TEK: variants seen among roughly 807,000 people sequenced by gnomAD.
TEK encodes TEK receptor tyrosine kinase, also known as angiopoietin-1 receptor.
A neutral mutation model predicts 131.8 loss-of-function variants in TEK; 43 were observed. That is an observed-to-expected ratio of 0.33 (90% CI 0.26 to 0.42). TEK has a LOEUF of 0.42. Ranked by LOEUF, TEK falls within the 10% of genes least tolerant of loss-of-function variation. The probability of loss-of-function intolerance (pLI) is 1.00; values close to 1 mark genes in which losing one functional copy is unlikely to be tolerated. For missense variants in TEK, 1,162 were observed against 1,384.4 expected (o/e 0.84, Z 2.55); for synonymous variants, 580 against 491.6 (o/e 1.18, Z -2.38).
intron 1 of TEK, among the ~76,000 whole-genome samples, chr9:27,153,696 T>G (rs1274079632): frequency 6.6e-6 from 1 of 152,236 alleles, no homozygotes; most frequent in Non-Finnish European, 1.5e-5. Flanking sequence ...AGAAAGGGTA[T>G]TAAGCAGAGA....
chr9:27,205,384 G>A (rs1825365546), intron 14 of TEK, among the ~76,000 whole-genome samples: 1 of 152,176 alleles, frequency 6.6e-6, no homozygotes, highest in African/African-American at 2.4e-5. Context: ...TCTTGCAACA[G>A]AATAAATTGA....
At chr9:27,189,869 TATAG>T (rs1564086118) in intron 9 of TEK, among the ~76,000 whole-genome samples, 2 of 151,974 alleles carry the variant, frequency 1.3e-5, no homozygotes, top group African/African-American at 4.8e-5. Flanking sequence ...GATATATATA[TATAG>T]AGAGAGAATG....
chr9:27,138,079 G>A (rs1488155791), intron 1 of TEK, among the ~76,000 whole-genome samples: 11 of 152,178 alleles, frequency 7.2e-5, no homozygotes, highest in Admixed American at 7.2e-4. Flanking sequence ...CCTTCCGGTG[G>A]GTTCGTGGTC....
intron 1 of TEK, among the ~76,000 whole-genome samples, chr9:27,138,569 A>G (rs1822593833): frequency 1.3e-5 from 2 of 152,184 alleles, no homozygotes; most frequent in South Asian, 4.1e-4. Context: ...AGCTGGCTTC[A>G]CCTCTCACTT....
chr9:27,197,703 G>C, intron 12 of TEK, 104 bp downstream of exon 12: 17 of 1,467,124 alleles, frequency 1.2e-5, no homozygotes, highest in African/African-American at 1.4e-5. Flanking sequence ...ATGAAAGAAA[G>C]TTAGTTGTGA....
At chr9:27,119,134 C>T (rs916173116) in intron 1 of TEK, among the ~76,000 whole-genome samples, 7 of 152,136 alleles carry the variant, frequency 4.6e-5, no homozygotes, top group Admixed American at 1.3e-4. Flanking sequence ...TCCTGACTGA[C>T]CACATGTCTC....
intron 1 of TEK, among the ~76,000 whole-genome samples, chr9:27,123,712 A>G (rs1055846875): frequency 6.6e-6 from 1 of 152,224 alleles, no homozygotes; most frequent in Non-Finnish European, 1.5e-5. Flanking sequence ...ACAGATGACA[A>G]CACTGAGGCC....
intron 1 of TEK, 41 bp from the exon 2 acceptor site, chr9:27,157,790 A>C (rs1823389102): frequency 6.2e-7 from 1 of 1,608,044 alleles, no homozygotes; most frequent in African/African-American, 1.3e-5. Flanking sequence ...GGGTCATGTT[A>C]ATAACCTTAG....
At position 27,189,873 on chromosome 9, in the gene TEK, G is replaced by T. The variant is rs143221777; in HGVS notation, c.1328-656G>T. On this transcript the variant is annotated intron_variant, in intron 9 of 22. Coordinates refer to ENST00000380036, the MANE Select transcript of TEK (RefSeq NM_000459.5). ...TGAAAGAGAGAGATATATATATATA[G>T]AGAGAGAATGAATTATGATCTAGAA... Among the ~76,000 whole-genome samples the T allele has an allele frequency of 7.5e-3, 1,137 of 152,178 alleles. 3 individuals are homozygous for T. The highest frequency in any genetic ancestry group is 0.023 in the Admixed American group (349 of 15,266).
chr9:27,154,239 C>G (rs1006327512), intron 1 of TEK, among the ~76,000 whole-genome samples: 4 of 152,016 alleles, frequency 2.6e-5, no homozygotes. Context: ...CATAGGTATA[C>G]ACATGCCATG....
intron 16 of TEK, 41 bp from the exon 17 acceptor site, chr9:27,212,666 C>T: frequency 6.2e-7 from 1 of 1,606,272 alleles, no homozygotes; most frequent in Non-Finnish European, 8.5e-7. Flanking sequence ...CATAGCTGTT[C>T]AGGGCCACTG....
At chr9:27,219,908 T>C (rs1825992485) in intron 20 of TEK, 141 bp from the exon 21 acceptor site, 1 of 820,988 alleles carries the variant, frequency 1.2e-6, no homozygotes, top group South Asian at 1.4e-5. Context: ...GCAGTGAGTT[T>C]GCCAAGGGAG....
At chr9:27,192,732 G>A in intron 11 of TEK, 109 bp downstream of exon 11, 11 of 451,706 alleles carry the variant, frequency 2.4e-5, no homozygotes, top group Admixed American at 4.8e-5. Context: ...GGTGGGTGGG[G>A]ATGGAGGTGG....
In TEK at chr9:27,172,600, T is replaced by C. The variant is rs1194618206; in HGVS notation, c.629-16T>C. On this transcript the variant is annotated splice_polypyrimidine_tract_variant and intron_variant, in intron 4 of 22. Transcript: ENST00000380036. Reference sequence around the variant, plus strand: ...ATGCGCTCTACTCACCACAGCCTTGTTTTCCTTAACAAAAGGATGTGAAGC... The same window carrying C: ...ATGCGCTCTACTCACCACAGCCTTGCTTTCCTTAACAAAAGGATGTGAAGC... 1 of 1,613,090 alleles carries C rather than the reference T, an allele frequency of 6.2e-7. No individual in the cohort carries two copies. The highest frequency in any genetic ancestry group is 1.7e-5 in the Admixed American group (1 of 59,976).
At chr9:27,225,152 G>C (rs2131259735) in intron 21 of TEK, among the ~76,000 whole-genome samples, 1 of 152,274 alleles carries the variant, frequency 6.6e-6, no homozygotes, top group Admixed American at 6.5e-5. Flanking sequence ...TGGACAGGAA[G>C]AATCAATATT....
At chr9:27,120,988 C>T (rs1212560345) in intron 1 of TEK, among the ~76,000 whole-genome samples, 1 of 152,202 alleles carries the variant, frequency 6.6e-6, no homozygotes, top group Non-Finnish European at 1.5e-5. Flanking sequence ...ATTTCCAGTA[C>T]CTGACTTGAT....
intron 14 of TEK, among the ~76,000 whole-genome samples, chr9:27,206,351 T>G (rs76439927): frequency 6.6e-6 from 1 of 152,216 alleles, no homozygotes; most frequent in African/African-American, 2.4e-5. Flanking sequence ...TTTACAGACA[T>G]TGCTAATCAA....
Position 27,197,524 on chromosome 9 carries a change from G to A in TEK, c.1834G>A (p.Val612Met), listed in dbSNP as rs764571511. Residue 612 changes from valine to methionine, a missense_variant, in exon 12 of 23, where the codon GTG becomes ATG. Physicochemically the swap from Val to Met is conservative, Grantham distance 21. Coordinates refer to ENST00000380036, the MANE Select transcript of TEK (RefSeq NM_000459.5). ...LNNLHPREQY[V>M]VRARVNTKAQ... ...CAACTTACATCCCAGGGAGCAGTAC[G>A]TGGTCCGAGCTAGAGTCAACACCAA... is the stretch of plus-strand genomic sequence containing the variant. 9.9e-6 allele frequency: 16 copies of A among 1,613,970 alleles called. No homozygotes were observed. Among genetic ancestry groups the A allele is most frequent in the South Asian group, 3.3e-5 (3 of 91,088 alleles).
chr9:27,207,490 A>C, intron 15 of TEK, among the ~76,000 whole-genome samples: 1 of 152,216 alleles, frequency 6.6e-6, no homozygotes. Context: ...GTTCATCTCA[A>C]GACTGTTTGG....
Sources: gnomAD v4.1 joint callset for allele counts (sites outside exome capture counted in the v4.1 genomes callset) on GRCh38, gnomAD v4.1.1 for gene constraint, MANE v1.5 for transcripts, NCBI Gene and HGNC (gene_info 2026-07-23, HGNC 2026-07-21) for gene names.